The following PACSIN2 variants were observed in gnomAD, a reference collection of about 807,000 sequenced individuals.
The protein encoded by PACSIN2 is protein kinase C and casein kinase substrate in neurons protein 2.
In PACSIN2, 25 loss-of-function variants were observed where a neutral mutation model predicts 63.8. The observed-to-expected ratio is 0.39, with a 90% CI of 0.29 to 0.55. PACSIN2 has a LOEUF of 0.55. Among genes scored for constraint, PACSIN2 ranks in the 20% least tolerant of loss-of-function variants. The probability of loss-of-function intolerance (pLI) is 0.62; values close to 1 mark genes in which losing one functional copy is unlikely to be tolerated. For synonymous variants in PACSIN2, 255 were observed against 256.2 expected, an observed-to-expected ratio of 1.00 and a Z score of 0.05; for missense variants, 518 against 646.9, an observed-to-expected ratio of 0.80 and a Z score of 2.16.
intron 1 of PACSIN2, among the ~76,000 whole-genome samples, chr22:42,986,417 T>G (rs1254476484): frequency 6.6e-6 from 1 of 151,898 alleles, no homozygotes; most frequent in Non-Finnish European, 1.5e-5. Context: ...ATCAAACGCC[T>G]AAAAGAAATG....
At chr22:42,919,623 A>G (rs147418394) in intron 1 of PACSIN2, among the ~76,000 whole-genome samples, 2 of 151,900 alleles carry the variant, frequency 1.3e-5, no homozygotes, top group Non-Finnish European at 2.9e-5. Flanking sequence ...AAATACAAAA[A>G]TTAGCTGGGT....
At chr22:42,975,546 T>C (rs1921637619) in intron 1 of PACSIN2, among the ~76,000 whole-genome samples, 1 of 150,176 alleles carries the variant, frequency 6.7e-6, no homozygotes. Context: ...CTTATGAGTC[T>C]CTTTTTATAA....
chr22:42,991,347 C>G (rs1379691131), intron 1 of PACSIN2, among the ~76,000 whole-genome samples: 1 of 152,166 alleles, frequency 6.6e-6, no homozygotes. Flanking sequence ...GGTCTCAAGG[C>G]TGTCAGCCCT....
intron 1 of PACSIN2, among the ~76,000 whole-genome samples, chr22:42,947,619 A>G (rs73176879): frequency 0.085 from 12,511 of 146,534 alleles, 692 homozygotes; most frequent in Non-Finnish European, 0.13. Context: ...CTGGATGCAC[A>G]AATCTAGAAG....
intron 1 of PACSIN2, among the ~76,000 whole-genome samples, chr22:42,929,584 T>C (rs1932739257): frequency 6.6e-6 from 1 of 152,236 alleles, no homozygotes; most frequent in Non-Finnish European, 1.5e-5. Flanking sequence ...CGATCCTGTC[T>C]GGTTTCTTTC....
At chr22:42,971,399 C>A (rs995655863) in intron 1 of PACSIN2, among the ~76,000 whole-genome samples, 2 of 152,224 alleles carry the variant, frequency 1.3e-5, no homozygotes, top group African/African-American at 4.8e-5. Flanking sequence ...CTATGTTGCC[C>A]AGGCTGGAGT....
intron 2 of PACSIN2, among the ~76,000 whole-genome samples, chr22:42,895,667 T>A (rs1049413818): frequency 1.3e-5 from 2 of 151,892 alleles, no homozygotes; most frequent in East Asian, 1.9e-4. Flanking sequence ...ACAGGAAGAG[T>A]GTTTCCGTAA....
At chr22:42,994,559 G>A (rs1002045754) in intron 1 of PACSIN2, among the ~76,000 whole-genome samples, 3 of 152,248 alleles carry the variant, frequency 2.0e-5, no homozygotes, top group African/African-American at 7.2e-5. Context: ...CCCTCAGCAG[G>A]ACACGCCAGG....
rs576242590 is a variant in PACSIN2 at position 42,893,475 on chromosome 22, T to C, written c.199A>G (p.Arg67Gly). The change falls in exon 3 of 11, where the codon AGG becomes GGG. Residue 67 changes from arginine (R) to glycine (G), a missense_variant. By Grantham distance (125) the Arg-to-Gly change is moderately radical. Transcript: ENST00000263246. ...QQLTEWARRW[R>G]QLVEKGPQYG... ...CCCATACCTTTCTCCACGAGCTGCCTCCAGCGCCGGGCCCACTCAGTGAGC... is the reference window on the plus strand; with the variant it reads ...CCCATACCTTTCTCCACGAGCTGCCCCCAGCGCCGGGCCCACTCAGTGAGC... 3.0e-5 allele frequency: 48 copies of C among 1,613,396 alleles called. No homozygotes were observed. The highest frequency in any genetic ancestry group is 4.0e-5 in the Non-Finnish European group (47 of 1,180,014).
intron 1 of PACSIN2, among the ~76,000 whole-genome samples, chr22:42,981,321 C>T (rs1160401751): frequency 5.0e-5 from 7 of 141,056 alleles, no homozygotes; most frequent in Non-Finnish European, 7.7e-5. Flanking sequence ...GGAGCGTCTC[C>T]GCCCGGCAGC....
chr22:42,925,046 A>G (rs1240910026), intron 1 of PACSIN2, among the ~76,000 whole-genome samples: 1 of 150,112 alleles, frequency 6.7e-6, no homozygotes, highest in Non-Finnish European at 1.5e-5. Flanking sequence ...GTCCGGCCCC[A>G]GTGAGAACTT....
chr22:43,001,595 T>C (rs980983333), intron 1 of PACSIN2, among the ~76,000 whole-genome samples: 5 of 152,232 alleles, frequency 3.3e-5, no homozygotes, highest in Admixed American at 2.6e-4. Context: ...TGCCTGTGCT[T>C]GGGAAGCAAG....
chr22:42,887,884 T>G (rs1449467932), intron 5 of PACSIN2, among the ~76,000 whole-genome samples: 1 of 152,130 alleles, frequency 6.6e-6, no homozygotes, highest in Non-Finnish European at 1.5e-5. Context: ...CAGTGCCTGG[T>G]CACGGTCTCT....
intron 1 of PACSIN2, among the ~76,000 whole-genome samples, chr22:42,971,211 A>C (rs1453956216): frequency 6.6e-6 from 1 of 152,132 alleles, no homozygotes; most frequent in Non-Finnish European, 1.5e-5. Flanking sequence ...TCAGCCTGCC[A>C]AGCGCCTGGG....
In PACSIN2 at chr22:42,893,556, C is replaced by T. The variant is rs372271560; in HGVS notation, c.118G>A (p.Asp40Asn). ...RIDDGHRLCS[D>N]LMNCLHERAR... is the part of the protein sequence containing the mutation. ...CGCTCATGCAGGCAGTTCATGAGGT[C>T]GCTGCACAGGCGGTGGCCATCGTCG... The change falls in exon 3 of 11, where the codon GAC becomes AAC. Residue 40 changes from aspartate (D) to asparagine (N), a missense_variant. By Grantham distance (23) the Asp-to-Asn change is conservative. Around this residue, in one of 2 missense-constraint regions of PACSIN2, gnomAD observed 507 missense variants for 612.3 expected, o/e 0.83. Coordinates refer to ENST00000263246, the MANE Select transcript of PACSIN2 (RefSeq NM_001184970.3). 14 of 1,614,016 alleles carry T rather than the reference C, an allele frequency of 8.7e-6. 1 individual carries two copies. Among genetic ancestry groups the T allele is most frequent in the Admixed American group, 3.3e-5 (2 of 60,006 alleles).
At chr22:43,004,630 TTAATA>T (rs1209420052) in intron 1 of PACSIN2, among the ~76,000 whole-genome samples, 2 of 152,212 alleles carry the variant, frequency 1.3e-5, no homozygotes, top group Non-Finnish European at 2.9e-5. Context: ...ACAACATAAT[TTAATA>T]TAATGAAAGA....
chr22:42,873,955 A>AT (rs1442558469), intron 10 of PACSIN2, among the ~76,000 whole-genome samples: 1 of 151,918 alleles, frequency 6.6e-6, no homozygotes, highest in African/African-American at 2.4e-5. Context: ...TGCCTGAATA[A>AT]TTTTTTTATT....
Position 42,871,214 on chromosome 22 carries a change from G to T in PACSIN2, c.*143C>A. 1 of 648,162 alleles carries T rather than the reference G, an allele frequency of 1.5e-6. No homozygotes were observed. 40.2% of individuals were successfully genotyped at this position (648,162 alleles called of 1,614,324 possible). A position where few individuals can be genotyped will look rare whatever the true frequency, so the allele number is the denominator to read the frequency against. ...TGCCGAGTCCCAGGCGAAATGACCA[G>T]CTCATCTGCCTTCCAGGAACACCAT... On this transcript the variant is annotated 3_prime_UTR_variant, in exon 11 of 11. Coordinates refer to ENST00000263246, the MANE Select transcript of PACSIN2 (RefSeq NM_001184970.3). This position sits in a 1 kb window ranked among gnomAD's most constrained non-coding sequence, Gnocchi z 5.4.
At chr22:42,955,147 A>T (rs747566534) in intron 1 of PACSIN2, among the ~76,000 whole-genome samples, 4 of 152,128 alleles carry the variant, frequency 2.6e-5, no homozygotes, top group Non-Finnish European at 5.9e-5. Flanking sequence ...TGCTGCTTAG[A>T]AGTCTCTTTA....
Sources: allele counts gnomAD v4.1 joint callset (sites outside exome capture counted in the v4.1 genomes callset), GRCh38; gene constraint gnomAD v4.1.1; regional missense constraint gnomAD v4.1.1; non-coding constraint Gnocchi (gnomAD v3.1); transcripts MANE v1.5; gene names NCBI Gene and HGNC (gene_info 2026-07-23, HGNC 2026-07-21).